The following MERTK variants were observed in gnomAD, a reference collection of about 807,000 sequenced individuals.
The protein encoded by MERTK is MER proto-oncogene, tyrosine kinase.
In MERTK, 69 loss-of-function variants were observed where a neutral mutation model predicts 99.3. The ratio of observed to expected loss-of-function variants is 0.70; its 90% CI spans 0.57 to 0.85. The LOEUF (loss-of-function observed/expected upper bound fraction) is 0.85. MERTK is among the 40% of genes least tolerant of loss of function. The pLI is 0.00. For synonymous variants in MERTK, 426 were observed against 467.6 expected, an observed-to-expected ratio of 0.91 and a Z score of 1.15; for missense variants, 1,125 against 1,249.4, an observed-to-expected ratio of 0.90 and a Z score of 1.50.
chr2:111,941,089 C>A, intron 2 of MERTK: 1 of 409,612 alleles, frequency 2.4e-6, no homozygotes, highest in Non-Finnish European at 4.7e-6. Context: ...TGGCAAGGAG[C>A]TTATCCGTCA....
intron 13 of MERTK, among the ~76,000 whole-genome samples, chr2:112,006,125 G>A (rs1056294172): frequency 1.3e-5 from 2 of 151,856 alleles, no homozygotes; most frequent in Non-Finnish European, 1.5e-5. Context: ...CAAGTAATCC[G>A]CCCACCTTGG....
intron 4 of MERTK, among the ~76,000 whole-genome samples, chr2:111,950,768 A>G (rs970219572): frequency 6.6e-6 from 1 of 152,162 alleles, no homozygotes; most frequent in African/African-American, 2.4e-5. Flanking sequence ...ATTCTATAAA[A>G]ATCCTAGAAT....
At chr2:111,973,992 A>AC (rs1491220748) in intron 6 of MERTK, among the ~76,000 whole-genome samples, 2 of 40,000 alleles carry the variant, frequency 5.0e-5, no homozygotes, top group Non-Finnish European at 2.2e-4. Context: ...TCTCCTCATC[A>AC]AAAAAAAAAA....
intron 18 of MERTK, among the ~76,000 whole-genome samples, chr2:112,027,451 T>G (rs928005915): frequency 3.3e-5 from 5 of 152,136 alleles, no homozygotes; most frequent in Non-Finnish European, 7.4e-5. Flanking sequence ...CATCTCAGCC[T>G]ATTGATTCCT....
chr2:111,934,648 T>G (rs1323877642), intron 2 of MERTK, among the ~76,000 whole-genome samples: 2 of 152,136 alleles, frequency 1.3e-5, no homozygotes, highest in Non-Finnish European at 2.9e-5. Context: ...TTGCAGAAAT[T>G]TTCTCGCATT....
At chr2:112,023,330 C>T (rs534808342) in intron 18 of MERTK, among the ~76,000 whole-genome samples, 49 of 152,188 alleles carry the variant, frequency 3.2e-4, no homozygotes, top group Admixed American at 9.8e-4. Context: ...AGGAGAATGG[C>T]GTGAACCCGG....
At chr2:111,961,882 G>A (rs1195737211) in intron 4 of MERTK, among the ~76,000 whole-genome samples, 1 of 152,238 alleles carries the variant, frequency 6.6e-6, no homozygotes, top group African/African-American at 2.4e-5. Context: ...GGGCGCAGTC[G>A]TGGCCATGCA....
chr2:112,008,904 G>T, intron 14 of MERTK: 1 of 270,340 alleles, frequency 3.7e-6, no homozygotes, highest in South Asian at 4.1e-5. Context: ...TGAAAGTACT[G>T]ATTTCTTAAG....
At chr2:111,980,297 A>C (rs113351134) in intron 7 of MERTK, among the ~76,000 whole-genome samples, 169 of 152,058 alleles carry the variant, frequency 1.1e-3, no homozygotes, top group African/African-American at 4.0e-3. Flanking sequence ...AGGTGCCCTA[A>C]GTTTAGTGGC....
chr2:111,925,825 A>T lies in MERTK; in HGVS notation c.62-3295A>T, dbSNP rs568106888. 3.3e-4 allele frequency among the ~76,000 whole-genome samples: 37 copies of T among 112,192 alleles called. 1 individual carries two copies. In the South Asian group the frequency reaches 7.2e-3, roughly 22 times the overall value. 73.6% of individuals were successfully genotyped at this position (112,192 alleles called of 152,430 possible). ...GGCTTACAAAACAGACTTTATTATT[A>T]TTTTTTTTAATTTTTTTTTTTTTCT... is the stretch of plus-strand genomic sequence containing the variant. On this transcript the variant is annotated intron_variant, in intron 1 of 18. Transcript: ENST00000295408.
chr2:111,932,510 A>G (rs1278526102), intron 2 of MERTK, among the ~76,000 whole-genome samples: 1 of 152,240 alleles, frequency 6.6e-6, no homozygotes, highest in Non-Finnish European at 1.5e-5. Context: ...ATTAGGTAGC[A>G]TACAGGATGA....
rs780696879 is a variant in MERTK, at chr2:112,022,348, C to T, written c.2440C>T (p.Leu814Phe). The part of the protein sequence containing the change: ...VQNHEMYDYL[L>F]HGHRLKQPED... ...GAACCATGAGATGTATGACTATCTT[C>T]TCCATGGCCACAGGTTGAAGCAGCC... Residue 814 changes from leucine (L) to phenylalanine (F), a missense_variant, in exon 18 of 19, where the codon CTC (leucine) becomes TTC (phenylalanine). Physicochemically the swap from Leu to Phe is conservative, Grantham distance 22 (BLOSUM62 0). Transcript: ENST00000295408. 42 of 1,614,130 alleles carry T rather than the reference C, an allele frequency of 2.6e-5. No individual in the cohort carries two copies. The highest frequency in any genetic ancestry group is 3.6e-5 in the Non-Finnish European group (42 of 1,180,060).
Position 111,898,705 on chromosome 2 carries a change from C to T in MERTK, c.-31C>T. On this transcript the variant is annotated 5_prime_UTR_variant, in exon 1 of 19. Coordinates refer to ENST00000295408, the MANE Select transcript of MERTK (RefSeq NM_006343.3). ...CGGGACGTCCATCTGTCCATCCGTC[C>T]GGAGAGAAATTACAGATCCGCAGCC... The T allele has an allele frequency of 6.2e-7, 1 of 1,601,426 alleles. No homozygotes were observed. Among genetic ancestry groups the T allele is most frequent in the Non-Finnish European group, 8.5e-7 (1 of 1,174,482 alleles).
At chr2:111,993,321 T>C (rs891614666) in intron 8 of MERTK, among the ~76,000 whole-genome samples, 3 of 152,136 alleles carry the variant, frequency 2.0e-5, no homozygotes, top group African/African-American at 7.2e-5. Flanking sequence ...TCACCATTGC[T>C]AGGAAAGTGA....
rs1345660998 is a variant in MERTK, at chr2:111,979,603, C to T, written c.1145-3239C>T. Among the ~76,000 whole-genome samples, 3 of 151,930 alleles carry T rather than the reference C, an allele frequency of 2.0e-5. No individual in the cohort carries two copies. The East Asian group carries it at 5.8e-4, about 29-fold the overall frequency. The stretch of plus-strand genomic sequence containing the variant: ...TGTGTTAGACGATTGTTAATTAGAC[C>T]TCTTCGATTGCTTCCTCAATTTTCT... On this transcript the variant is annotated intron_variant, in intron 7 of 18. Coordinates refer to ENST00000295408, the MANE Select transcript of MERTK (RefSeq NM_006343.3).
At chr2:112,021,740 A>C (rs1207663301) in intron 17 of MERTK, among the ~76,000 whole-genome samples, 159 bp downstream of exon 17, 1 of 152,172 alleles carries the variant, frequency 6.6e-6, no homozygotes, top group Non-Finnish European at 1.5e-5. Flanking sequence ...CAGATACTTT[A>C]ATTCAAGTGG....
intron 1 of MERTK, among the ~76,000 whole-genome samples, chr2:111,909,993 C>G (rs984615436): frequency 1.2e-4 from 18 of 152,196 alleles, no homozygotes; most frequent in Admixed American, 1.2e-3. Flanking sequence ...TAATATAGCA[C>G]TATTCACAAT....
At chr2:111,969,849 G>A (rs1451816790) in intron 6 of MERTK, among the ~76,000 whole-genome samples, 3 of 151,906 alleles carry the variant, frequency 2.0e-5, no homozygotes, top group East Asian at 3.9e-4. Context: ...CCGCCACCGC[G>A]CCCAGCTAAT....
chr2:111,944,530 A>ATTATTCCTTAAAATAATTACTCTGTT (rs1684925853), intron 2 of MERTK, among the ~76,000 whole-genome samples: 1 of 152,202 alleles, frequency 6.6e-6, no homozygotes, highest in Non-Finnish European at 1.5e-5. Flanking sequence ...GTTTTAAGGA[A>ATTATTCCTTAAAATAATTACTCTGTT]TTAGCTCACA....
Sources: allele counts gnomAD v4.1 joint callset (sites outside exome capture counted in the v4.1 genomes callset), GRCh38; gene constraint gnomAD v4.1.1; transcripts MANE v1.5; gene names NCBI Gene and HGNC (gene_info 2026-07-23, HGNC 2026-07-21).